MAP4K4: variants seen among roughly 807,000 people sequenced by gnomAD.
MAP4K4 encodes mitogen-activated protein kinase kinase kinase kinase 4.
A neutral mutation model predicts 189.6 loss-of-function variants in MAP4K4; 38 were observed. The observed-to-expected ratio is 0.20, with a 90% confidence interval of 0.15 to 0.26. The LOEUF (loss-of-function observed/expected upper bound fraction) is 0.26, where lower values mean the gene tolerates loss of function less well. MAP4K4 is among the 10% of genes least tolerant of loss of function. MAP4K4 has a pLI of 1.00. For missense variants in MAP4K4, 1,054 were observed against 1,726.9 expected, an observed-to-expected ratio of 0.61 and a Z score of 6.91; for synonymous variants, 610 against 624.3, an observed-to-expected ratio of 0.98 and a Z score of 0.34.
chr2:101,828,422 C>CT (rs988349245), intron 5 of MAP4K4, among the ~76,000 whole-genome samples: 32 of 152,190 alleles, frequency 2.1e-4, no homozygotes, highest in African/African-American at 7.7e-4. Context: ...ATTTTTAGTG[C>CT]TTTTTTCTCT....
At chr2:101,738,586 T>G (rs1042652254) in intron 2 of MAP4K4, among the ~76,000 whole-genome samples, 17 of 151,794 alleles carry the variant, frequency 1.1e-4, no homozygotes, top group Admixed American at 2.0e-4. Flanking sequence ...CTGCAGAAGG[T>G]TTTTTTTGGC....
chr2:101,707,694 T>TG (rs2043088203), intron 2 of MAP4K4, among the ~76,000 whole-genome samples: 1 of 66,578 alleles, frequency 1.5e-5, no homozygotes, highest in Non-Finnish European at 3.5e-5. Context: ...TTTTTTTTTG[T>TG]TTTTTTTTTT....
At chr2:101,800,013 T>C (rs1361311430) in intron 3 of MAP4K4, among the ~76,000 whole-genome samples, 3 of 152,158 alleles carry the variant, frequency 2.0e-5, no homozygotes, top group African/African-American at 4.8e-5. Flanking sequence ...TCTCAGCCCT[T>C]CTAGGTTCAT....
rs2098123008 is a variant in MAP4K4, at chr2:101,873,848, G to A, written c.3070+84G>A. On this transcript the variant is annotated intron_variant, in intron 25 of 32. Transcript: ENST00000324219. ...CTTTTGGGTGGCTTAGGTGTAGCTG[G>A]TTGTTCACAGGCACAGACCTCGGGT... 4 of 1,014,590 alleles carry A rather than the reference G, an allele frequency of 3.9e-6. No homozygotes were observed. In the South Asian group the frequency reaches 5.8e-5, roughly 15 times the overall value. The allele number at this position is 1,014,590 out of a possible 1,614,324, so 62.8% of individuals were successfully genotyped here.
At chr2:101,809,774 A>G (rs1208807635) in intron 3 of MAP4K4, among the ~76,000 whole-genome samples, 18 of 152,208 alleles carry the variant, frequency 1.2e-4, no homozygotes, top group Admixed American at 1.2e-3. Flanking sequence ...GCCTCTCTCA[A>G]AGCTGGACTG....
intron 2 of MAP4K4, among the ~76,000 whole-genome samples, chr2:101,738,383 G>A (rs1414545360): frequency 6.6e-6 from 1 of 152,226 alleles, no homozygotes; most frequent in East Asian, 1.9e-4. Flanking sequence ...AGAAAGAAAG[G>A]CCTTCAGTCA....
At chr2:101,887,399 T>C (rs964396936) in intron 30 of MAP4K4, 162 bp downstream of exon 30, 1 of 690,660 alleles carries the variant, frequency 1.4e-6, no homozygotes, top group East Asian at 3.1e-5. Flanking sequence ...TCCATGCTCT[T>C]AGACAAGTGG....
intron 12 of MAP4K4, among the ~76,000 whole-genome samples, chr2:101,852,572 A>T (rs2097319979): frequency 6.6e-6 from 1 of 151,842 alleles, no homozygotes; most frequent in Admixed American, 6.6e-5. Context: ...TTGAAGTTGA[A>T]CTTTTTATAT....
intron 2 of MAP4K4, among the ~76,000 whole-genome samples, chr2:101,733,347 C>T (rs2059255069): frequency 2.0e-5 from 3 of 152,236 alleles, no homozygotes; most frequent in Admixed American, 2.0e-4. Context: ...GCTGTTACAG[C>T]TGACCTTGAG....
At chr2:101,868,935 CAA>C (rs916231733) in intron 21 of MAP4K4, among the ~76,000 whole-genome samples, 9 of 151,880 alleles carry the variant, frequency 5.9e-5, no homozygotes, top group African/African-American at 2.2e-4. Flanking sequence ...GTCTATATGA[CAA>C]AGTCTTCTTT....
chr2:101,875,394 A>G lies in MAP4K4; in HGVS notation c.3241+1142A>G, dbSNP rs180696080. Among the ~76,000 whole-genome samples the G allele has an allele frequency of 1.2e-4, 18 of 152,108 alleles. No homozygotes were observed. The East Asian group carries it at 3.3e-3, about 28-fold the overall frequency. On this transcript the variant is annotated intron_variant, in intron 26 of 32. Transcript: ENST00000324219. ...TTTTTTTTTTAATCTCTAAGGGTTA[A>G]GTCACTATGCCCACAAGCATTGCTT...
intron 2 of MAP4K4, among the ~76,000 whole-genome samples, chr2:101,767,694 A>G (rs887754505): frequency 6.6e-6 from 1 of 152,184 alleles, no homozygotes; most frequent in Non-Finnish European, 1.5e-5. Flanking sequence ...GAGTTCATGC[A>G]CTGCTGGCTC....
In MAP4K4 at chr2:101,831,718, C is replaced by T. The variant is rs778402265; in HGVS notation, c.509-3C>T. ...TTTATCTGCCTTTTTCTTCCTCCCA[C>T]AGTTGACTTTGGTGTGAGTGCTCAG... is the stretch of plus-strand genomic sequence containing the variant. On this transcript the variant is annotated splice_region_variant and splice_polypyrimidine_tract_variant and intron_variant, in intron 6 of 32. Transcript: ENST00000324219. The T allele has an allele frequency of 6.3e-7, 1 of 1,593,298 alleles. No homozygotes were observed. Among genetic ancestry groups the T allele is most frequent in the Non-Finnish European group, 8.6e-7 (1 of 1,168,656 alleles).
chr2:101,712,855 T>A (rs1402681251), intron 2 of MAP4K4, among the ~76,000 whole-genome samples: 3 of 151,592 alleles, frequency 2.0e-5, no homozygotes, highest in Non-Finnish European at 4.4e-5. Flanking sequence ...GATAGTTCAC[T>A]TTGAACTTCA....
chr2:101,835,937 C>T, exon 9 of MAP4K4: 1 of 1,613,784 alleles, frequency 6.2e-7, no homozygotes, highest in Non-Finnish European at 8.5e-7. Flanking sequence ...CACTGTTTCT[C>T]ATTCCCAGAA....
At chr2:101,849,151 T>A (rs544378510) in intron 12 of MAP4K4, among the ~76,000 whole-genome samples, 141 of 152,188 alleles carry the variant, frequency 9.3e-4, no homozygotes, top group African/African-American at 3.3e-3. Flanking sequence ...GAGACAGGGT[T>A]TTGCTGTGTC....
At chr2:101,713,171 G>T (rs942450319) in intron 2 of MAP4K4, among the ~76,000 whole-genome samples, 1 of 151,636 alleles carries the variant, frequency 6.6e-6, no homozygotes, top group African/African-American at 2.4e-5. Flanking sequence ...GCCTCCCAAA[G>T]TGCTGGGATT....
exon 33 of MAP4K4, chr2:101,892,702 CT>C (rs2098587252): frequency 2.9e-6 from 1 of 341,056 alleles, no homozygotes; most frequent in African/African-American, 2.2e-5. Context: ...GAAGTCCTGG[CT>C]TTTCTCGTTT....
Position 101,863,824 on chromosome 2 carries a change from C to T in MAP4K4, c.1870C>T (p.Gln624Ter). The change falls in exon 17 of 33, where the codon CAG becomes TAG. Residue 624 changes from glutamine to a stop codon, truncating the protein, a stop_gained. Coordinates refer to ENST00000324219, the Ensembl canonical transcript of MAP4K4. LOFTEE classifies it high-confidence loss of function. Reference sequence around the variant, plus strand: ...TTGTGTTTTGTTTTCTTGTAAGGTACAGTGGTCCCACCTGGCATCTCTCAA... The same window carrying T: ...TTGTGTTTTGTTTTCTTGTAAGGTATAGTGGTCCCACCTGGCATCTCTCAA... 2 of 1,366,826 alleles carry T rather than the reference C, an allele frequency of 1.5e-6. No homozygotes were observed. The highest frequency in any genetic ancestry group is 9.8e-7 in the Non-Finnish European group (1 of 1,021,068). The allele number at this position is 1,366,826 out of a possible 1,614,324, so 84.7% of individuals were successfully genotyped here. A position where few individuals can be genotyped will look rare whatever the true frequency, so the allele number is the denominator to read the frequency against.
Sources: allele counts gnomAD v4.1 joint callset (sites outside exome capture counted in the v4.1 genomes callset), GRCh38; gene constraint gnomAD v4.1.1; transcripts MANE v1.5; gene names NCBI Gene and HGNC (gene_info 2026-07-23, HGNC 2026-07-21).